SESTD1: variants seen among roughly 807,000 people sequenced by gnomAD.
SESTD1 encodes SEC14 domain and spectrin repeat-containing protein 1.
Under a neutral mutation model 101.7 loss-of-function variants are expected in SESTD1, and 43 were observed. That is an observed-to-expected ratio of 0.42 (90% CI 0.33 to 0.55). The LOEUF is 0.55. Among genes scored for constraint, SESTD1 ranks in the 20% least tolerant of loss-of-function variants. SESTD1 has a pLI of 0.07. For missense variants in SESTD1, 647 were observed against 815.1 expected (o/e 0.79, Z 2.51); for synonymous variants, 283 against 286.8 (o/e 0.99, Z 0.13).
At chr2:179,156,366 G>C (rs1240006129) in intron 5 of SESTD1, among the ~76,000 whole-genome samples, 2 of 152,104 alleles carry the variant, frequency 1.3e-5, no homozygotes, top group African/African-American at 4.8e-5. Flanking sequence ...GGGACTGCTG[G>C]ATCAAATGGT....
intron 11 of SESTD1, 83 bp from the exon 12 acceptor site, chr2:179,123,912 T>C (rs1225801793): frequency 1.0e-6 from 1 of 987,788 alleles, no homozygotes; most frequent in Non-Finnish European, 1.6e-6. Context: ...TTATATCTAA[T>C]GAGGTTATCA....
Position 179,124,567 on chromosome 2 carries a change from A to G in SESTD1, c.973-9T>C, listed in dbSNP as rs544161405. On this transcript the variant is annotated splice_polypyrimidine_tract_variant and intron_variant, in intron 10 of 17. Coordinates refer to ENST00000428443, the MANE Select transcript of SESTD1 (RefSeq NM_178123.5). The stretch of plus-strand genomic sequence containing the variant: ...TACACTGCAAACCATTCCTGTAATC[A>G]AGATGTTACAAAGTAAACTAAGGCT... 2.7e-5 allele frequency: 43 copies of G among 1,606,474 alleles called. 1 individual carries two copies. The South Asian group carries it at 3.6e-4, about 14-fold the overall frequency.
rs1190894314 is a variant in SESTD1 at position 179,105,391 on chromosome 2, T to A, written c.*4508A>T. ...CCATCTTGCTGTTCTATTATCTTCC[T>A]ACAAAAATAGCTAATTTGTCAGATT... On this transcript the variant is annotated 3_prime_UTR_variant, in exon 18 of 18. Transcript: ENST00000428443. The A allele has an allele frequency of 6.6e-6, 1 of 152,148 alleles. No homozygotes were observed. Among genetic ancestry groups the A allele is most frequent in the Non-Finnish European group, 1.5e-5 (1 of 68,024 alleles). The allele number at this position is 152,148 out of a possible 1,614,324, so 9.4% of individuals were successfully genotyped here.
chr2:179,170,522 G>A (rs1182005655), intron 5 of SESTD1, among the ~76,000 whole-genome samples: 1 of 152,074 alleles, frequency 6.6e-6, no homozygotes, highest in African/African-American at 2.4e-5. Context: ...TAATTCCTAG[G>A]TGACAGGAGC....
In SESTD1 at chr2:179,124,429, T is replaced by C. The variant is rs150184718; in HGVS notation, c.1102A>G (p.Ser368Gly). The stretch of plus-strand genomic sequence containing the variant: ...AGATTTTGCCTAAATTCCAGCTGAC[T>C]GGCCTGTCGATAACAAACATCACTA... ...QLSDVCYRQASQLEFRQNLLQ... is the reference protein window; with the variant it reads ...QLSDVCYRQAGQLEFRQNLLQ... Residue 368 changes from serine to glycine, a missense_variant, in exon 11 of 18, where the codon AGT becomes GGT. By Grantham distance (56) the Ser-to-Gly change is moderately conservative. Around this residue, in one of 3 missense-constraint regions of SESTD1, gnomAD observed 476 missense variants for 562.6 expected, o/e 0.85. Coordinates refer to ENST00000428443, the MANE Select transcript of SESTD1 (RefSeq NM_178123.5). 36 of 1,614,144 alleles carry C rather than the reference T, an allele frequency of 2.2e-5. No homozygotes were observed. In the African/African-American group the frequency reaches 4.7e-4, roughly 21 times the overall value.
intron 10 of SESTD1, among the ~76,000 whole-genome samples, chr2:179,128,938 A>T (rs141347871): frequency 1.3e-3 from 202 of 152,320 alleles, no homozygotes; most frequent in African/African-American, 4.7e-3. Context: ...TTGAAGGTTC[A>T]CATTTAGGAC....
intron 1 of SESTD1, among the ~76,000 whole-genome samples, chr2:179,226,557 C>T (rs998893072): frequency 5.9e-5 from 9 of 152,156 alleles, no homozygotes; most frequent in East Asian, 1.9e-4. Flanking sequence ...TATCCACTCA[C>T]GCTGATATGT....
chr2:179,160,892 A>G (rs1575452076), intron 5 of SESTD1, among the ~76,000 whole-genome samples: 1 of 152,058 alleles, frequency 6.6e-6, no homozygotes, highest in Non-Finnish European at 1.5e-5. Context: ...TAGTACTACA[A>G]AATACTAAAT....
intron 8 of SESTD1, among the ~76,000 whole-genome samples, chr2:179,145,351 C>T (rs1405897675): frequency 6.6e-6 from 1 of 152,034 alleles, no homozygotes; most frequent in Non-Finnish European, 1.5e-5. Flanking sequence ...AGCTGTGTAA[C>T]CTATATAAGT....
At chr2:179,182,991 A>G in intron 3 of SESTD1, 89 bp downstream of exon 3, 1 of 827,422 alleles carries the variant, frequency 1.2e-6, no homozygotes, top group Non-Finnish European at 1.8e-6. Flanking sequence ...AGCAGATAAG[A>G]TAGCAAAGTA....
intron 2 of SESTD1, among the ~76,000 whole-genome samples, chr2:179,191,569 C>G (rs1296378822): frequency 1.3e-5 from 2 of 152,160 alleles, no homozygotes; most frequent in East Asian, 1.9e-4. Context: ...CATGTACCCC[C>G]TGAATCTAAA....
At chr2:179,243,539 A>C (rs2047184789) in intron 1 of SESTD1, among the ~76,000 whole-genome samples, 2 of 152,222 alleles carry the variant, frequency 1.3e-5, no homozygotes. Flanking sequence ...TGGATAAAGA[A>C]AATGTGGTAC....
intron 1 of SESTD1, among the ~76,000 whole-genome samples, chr2:179,201,755 A>G (rs1359768685): frequency 8.4e-6 from 1 of 118,642 alleles, no homozygotes; most frequent in Non-Finnish European, 1.7e-5. Flanking sequence ...GGGGAACATC[A>G]CACTCTGGGG....
At position 179,133,743 on chromosome 2, in the gene SESTD1, T is replaced by A. The variant is rs569005258; in HGVS notation, c.850-1317A>T. Among the ~76,000 whole-genome samples the A allele has an allele frequency of 2.6e-4, 39 of 152,254 alleles. No homozygotes were observed. In the East Asian group the frequency reaches 7.3e-3, roughly 29 times the overall value. On this transcript the variant is annotated intron_variant, in intron 9 of 17. Transcript: ENST00000428443. The stretch of plus-strand genomic sequence containing the variant: ...ATATACATTTCTGCTTTTACCAGGT[T>A]AAAAAAATATATTTCTAAATCTAAC...
intron 1 of SESTD1, among the ~76,000 whole-genome samples, chr2:179,221,242 A>G (rs2046810082): frequency 6.6e-6 from 1 of 152,084 alleles, no homozygotes; most frequent in Non-Finnish European, 1.5e-5. Context: ...AATGGAAATT[A>G]TAATAGTGTT....
chr2:179,157,279 G>A (rs1156790118), intron 5 of SESTD1, among the ~76,000 whole-genome samples: 1 of 152,048 alleles, frequency 6.6e-6, no homozygotes, highest in Non-Finnish European at 1.5e-5. Context: ...TCAATATTGT[G>A]AAAATGCCCA....
At chr2:179,118,020 G>A (rs146676885) in intron 13 of SESTD1, among the ~76,000 whole-genome samples, 50 of 152,208 alleles carry the variant, frequency 3.3e-4, no homozygotes, top group Middle Eastern at 3.4e-3. Context: ...ACCTAGGCTG[G>A]AGTGCAGTGG....
chr2:179,126,371 C>T (rs2044874927), intron 10 of SESTD1, among the ~76,000 whole-genome samples: 1 of 152,146 alleles, frequency 6.6e-6, no homozygotes, highest in South Asian at 2.1e-4. Flanking sequence ...CTTCCTCCTC[C>T]TTCAAATGGC....
At chr2:179,198,290 C>T (rs2046437998) in intron 1 of SESTD1, among the ~76,000 whole-genome samples, 1 of 152,094 alleles carries the variant, frequency 6.6e-6, no homozygotes, top group Admixed American at 6.5e-5. Context: ...TACAGGAGCA[C>T]CCAGATTCAT....
Sources: allele counts gnomAD v4.1 joint callset (sites outside exome capture counted in the v4.1 genomes callset), GRCh38; gene constraint gnomAD v4.1.1; regional missense constraint gnomAD v4.1.1; transcripts MANE v1.5; gene names NCBI Gene and HGNC (gene_info 2026-07-23, HGNC 2026-07-21).